PLAGL1: variants seen among roughly 807,000 people sequenced by gnomAD.
PLAGL1 encodes the protein PLAG1 like zinc finger 1.
PLAGL1 carries 1 observed loss-of-function variant against 4.6 expected under a neutral mutation model. That is an observed-to-expected ratio of 0.22 (90% CI 0.08 to 1.03). The LOEUF (loss-of-function observed/expected upper bound fraction) is 1.03. PLAGL1 is among the 50% of genes least tolerant of loss of function. The probability of loss-of-function intolerance (pLI) is 0.58; values close to 1 mark genes in which losing one functional copy is unlikely to be tolerated. For synonymous variants in PLAGL1, 240 were observed against 237.8 expected (o/e 1.01, Z -0.08); for missense variants, 464 against 570.4 (o/e 0.81, Z 1.90).
In PLAGL1 at chr6:144,019,437, A is replaced by C. The variant is rs1286808005; in HGVS notation, c.-151+45031T>G. Among the ~76,000 whole-genome samples the C allele has an allele frequency of 3.9e-5, 6 of 152,118 alleles. 1 individual carries two copies. Among genetic ancestry groups the C allele is most frequent in the Non-Finnish European group, 8.8e-5 (6 of 68,030 alleles). ...CAATGAGCCGATATGGCGCCACTGC[A>C]CTCCAGCCTGGGTGAGAGAGGGAGA... On this transcript the variant is annotated intron_variant, in intron 1 of 3. Coordinates refer to the PLAGL1 transcript ENST00000437412.
intron 2 of PLAGL1, among the ~76,000 whole-genome samples, chr6:143,977,598 G>A (rs1382703572): frequency 2.0e-5 from 3 of 149,266 alleles, no homozygotes; most frequent in Non-Finnish European, 4.4e-5. Context: ...TCAGCCTCCC[G>A]AGTAGCTGGG....
chr6:143,990,148 G>A lies in PLAGL1; in HGVS notation c.-583-4974C>T, dbSNP rs1790128996. On this transcript the variant is annotated intron_variant, in intron 1 of 7. Coordinates refer to ENST00000674357, the MANE Select transcript of PLAGL1 (RefSeq NM_001317162.2). The surrounding 1 kb of genome is among the most constrained non-coding windows in gnomAD (Gnocchi z 5.4). ...TTTTTTTTTTCTTTTTTGAGATGGA[G>A]TCTCGCTCTGTTGCCAGACTGGAGT... 6.6e-6 allele frequency among the ~76,000 whole-genome samples: 1 copy of A among 150,572 alleles called. No homozygotes were observed. The highest frequency in any genetic ancestry group is 1.5e-5 in the Non-Finnish European group (1 of 67,792).
At chr6:144,032,706 C>A (rs4896692) in intron 1 of PLAGL1, among the ~76,000 whole-genome samples, 5,921 of 152,122 alleles carry the variant, frequency 0.039, 176 homozygotes, top group Admixed American at 0.086. Flanking sequence ...GGATTACAGG[C>A]GTATGCCAAC....
rs1269932729 is a variant in PLAGL1 at position 144,008,214 on chromosome 6, G to A, written c.-708C>T. 2.0e-5 allele frequency: 3 copies of A among 152,016 alleles called. No individual in the cohort carries two copies. Among genetic ancestry groups the A allele is most frequent in the Non-Finnish European group, 2.9e-5 (2 of 68,114 alleles). The allele number at this position is 152,016 out of a possible 1,614,324, so 9.4% of individuals were successfully genotyped here. On this transcript the variant is annotated 5_prime_UTR_variant, in exon 1 of 8. Transcript: ENST00000674357. This position sits in a 1 kb window ranked among gnomAD's most constrained non-coding sequence, Gnocchi z 6.9. Reference sequence around the variant, plus strand: ...CCCCGCGCTGCTGAGCTGTGAGCACGGCTGCCCCGTCCGTCCGTCCGTCCA... The same window carrying A: ...CCCCGCGCTGCTGAGCTGTGAGCACAGCTGCCCCGTCCGTCCGTCCGTCCA...
At position 143,984,005 on chromosome 6, in the gene PLAGL1, G is replaced by A. The variant is rs1481186790; in HGVS notation, c.-544+1130C>T. 2.0e-5 allele frequency among the ~76,000 whole-genome samples: 3 copies of A among 152,000 alleles called. No homozygotes were observed. The highest frequency in any genetic ancestry group is 2.0e-4 in the Admixed American group (3 of 15,242). Reference sequence around the variant, plus strand: ...AGGACACATTAGTCTTACAGGGAAGGACAGCTCCTGAATCTTCAAGGAATA... The same window carrying A: ...AGGACACATTAGTCTTACAGGGAAGAACAGCTCCTGAATCTTCAAGGAATA... On this transcript the variant is annotated intron_variant, in intron 2 of 7. Coordinates refer to ENST00000674357, the MANE Select transcript of PLAGL1 (RefSeq NM_001317162.2). This position sits in a 1 kb window ranked among gnomAD's most constrained non-coding sequence, Gnocchi z 5.5.
chr6:143,974,123 A>C (rs1785975541), intron 2 of PLAGL1, among the ~76,000 whole-genome samples: 1 of 152,150 alleles, frequency 6.6e-6, no homozygotes, highest in Non-Finnish European at 1.5e-5. Flanking sequence ...AACAAATATA[A>C]CTAAGAGGTT....
Position 143,941,113 on chromosome 6 carries a change from A to G in PLAGL1, c.*311T>C, listed in dbSNP as rs1778481390. 4.8e-6 allele frequency: 1 copy of G among 209,702 alleles called. No individual in the cohort carries two copies. Among genetic ancestry groups the G allele is most frequent in the Non-Finnish European group, 9.4e-6 (1 of 106,078 alleles). The allele number at this position is 209,702 out of a possible 1,614,324, so 13.0% of individuals were successfully genotyped here. On this transcript the variant is annotated 3_prime_UTR_variant, in exon 8 of 8. Transcript: ENST00000674357. The surrounding 1 kb of genome is among the most constrained non-coding windows in gnomAD (Gnocchi z 6.0). ...AAGTTATTTAGTTAACATTATGATC[A>G]TGGCTTACGATTAAATTCCATATGA...
chr6:143,991,409 C>T (rs140323440), intron 1 of PLAGL1, among the ~76,000 whole-genome samples: 5 of 152,160 alleles, frequency 3.3e-5, no homozygotes, highest in African/African-American at 9.6e-5. Context: ...ACTGGGGGGC[C>T]GTGATACTGA....
Position 143,948,792 on chromosome 6 carries a change from A to AAC in PLAGL1, c.-324-333_-324-332insGT, listed in dbSNP as rs1554251568. On this transcript the variant is annotated intron_variant, in intron 6 of 7. Coordinates refer to ENST00000674357, the MANE Select transcript of PLAGL1 (RefSeq NM_001317162.2). This position sits in a 1 kb window ranked among gnomAD's most constrained non-coding sequence, Gnocchi z 6.0. Reference sequence around the variant, plus strand: ...CAACAACAACAACAACAACAACAACAAACAAAAACCTCCCTCCCTCAGTGT... The same window carrying AAC: ...CAACAACAACAACAACAACAACAACAACAACAAAAACCTCCCTCCCTCAGTGT... 0.36 allele frequency among the ~76,000 whole-genome samples: 50,819 copies of AAC among 140,478 alleles called. 8,717 individuals carry two copies. Among genetic ancestry groups the AAC allele is most frequent in the African/African-American group, 0.45 (15,350 of 33,960 alleles). The allele number at this position is 140,478 out of a possible 152,430, so 92.2% of individuals were successfully genotyped here.
In PLAGL1 at chr6:144,005,328, C is replaced by T. The variant is rs1793940801; in HGVS notation, c.-584+2762G>A. 3 of 152,020 alleles carry T rather than the reference C, an allele frequency of 2.0e-5. No individual in the cohort carries two copies. Among genetic ancestry groups the T allele is most frequent in the African/African-American group, 7.2e-5 (3 of 41,400 alleles). 9.4% of individuals were successfully genotyped at this position (152,020 alleles called of 1,614,324 possible). A position where few individuals can be genotyped will look rare whatever the true frequency, so the allele number is the denominator to read the frequency against. Reference sequence around the variant, plus strand: ...ACTGAACAATATACTACATAGAAAGCAGCAGTAAATGAAAATCTGCAGTAT... The same window carrying T: ...ACTGAACAATATACTACATAGAAAGTAGCAGTAAATGAAAATCTGCAGTAT... On this transcript the variant is annotated intron_variant, in intron 1 of 7. Transcript: ENST00000674357. The surrounding 1 kb of genome is among the most constrained non-coding windows in gnomAD (Gnocchi z 4.6).
intron 6 of PLAGL1, among the ~76,000 whole-genome samples, chr6:143,956,476 G>A (rs749946206): frequency 4.6e-5 from 7 of 152,176 alleles, no homozygotes; most frequent in Non-Finnish European, 7.3e-5. Flanking sequence ...TTAAGTCTGA[G>A]TTCAAAAACT....
chr6:144,046,580 C>T (rs191209430), intron 1 of PLAGL1, among the ~76,000 whole-genome samples: 54 of 152,270 alleles, frequency 3.5e-4, no homozygotes, highest in African/African-American at 1.2e-3. Flanking sequence ...AGAGGGGCAC[C>T]TGGCTAAATG....
chr6:144,061,543 T>C lies in PLAGL1; in HGVS notation c.-151+2925A>G, dbSNP rs1427515750. Among the ~76,000 whole-genome samples, 2 of 152,234 alleles carry C rather than the reference T, an allele frequency of 1.3e-5. No homozygotes were observed. The highest frequency in any genetic ancestry group is 4.8e-5 in the African/African-American group (2 of 41,464). On this transcript the variant is annotated intron_variant, in intron 1 of 3. Transcript: ENST00000437412. This position sits in a 1 kb window ranked among gnomAD's most constrained non-coding sequence, Gnocchi z 4.4. ...GAGCAGACACAGCTAATTGAGGACC[T>C]TGTTCAAGGTCACCAGCCAGTAAGT...
In PLAGL1 at chr6:143,950,386, CA is replaced by C. The variant is rs1780792757; in HGVS notation, c.-324-1927del. Among the ~76,000 whole-genome samples the C allele has an allele frequency of 1.3e-5, 2 of 152,178 alleles. No individual in the cohort carries two copies. The highest frequency in any genetic ancestry group is 4.8e-5 in the African/African-American group (2 of 41,442). Reference sequence around the variant, plus strand: ...GAGGAATCCTCAACAGCCCTGGTCACAAACAAAATAACTCCTTCTAGGAATT... The same window carrying C: ...GAGGAATCCTCAACAGCCCTGGTCACAACAAAATAACTCCTTCTAGGAATT... On this transcript the variant is annotated intron_variant, in intron 6 of 7. Coordinates refer to ENST00000674357, the MANE Select transcript of PLAGL1 (RefSeq NM_001317162.2). The surrounding 1 kb of genome is among the most constrained non-coding windows in gnomAD (Gnocchi z 6.3).
chr6:144,011,975 C>T (rs1007353840), upstream of PLAGL1, among the ~76,000 whole-genome samples: 2 of 152,126 alleles, frequency 1.3e-5, no homozygotes, highest in African/African-American at 4.8e-5. The surrounding 1 kb of genome is among the most constrained non-coding windows in gnomAD (Gnocchi z 4.3). Context: ...CATTGGGGGA[C>T]GTTTGTGAGA....
chr6:144,009,851 T>C (rs1387342426), upstream of PLAGL1, among the ~76,000 whole-genome samples: 1 of 152,214 alleles, frequency 6.6e-6, no homozygotes, highest in East Asian at 1.9e-4. Context: ...CATGAACTCA[T>C]CCTTTTTTAT....
rs1365801317 is a variant in PLAGL1, at chr6:144,063,516, G to A, written c.-151+952C>T. Among the ~76,000 whole-genome samples the A allele has an allele frequency of 6.6e-6, 1 of 152,182 alleles. No homozygotes were observed. The highest frequency in any genetic ancestry group is 2.4e-5 in the African/African-American group (1 of 41,446). On this transcript the variant is annotated intron_variant, in intron 1 of 3. Coordinates refer to the PLAGL1 transcript ENST00000437412. This position sits in a 1 kb window ranked among gnomAD's most constrained non-coding sequence, Gnocchi z 5.7. ...TCTGGGAGGCGCCTCGGGTTAGGCA[G>A]CGACGCACAAAACATAAACCCTGTC...
At position 143,940,676 on chromosome 6, in the gene PLAGL1, A is replaced by G. The variant is rs1314502865; in HGVS notation, c.*748T>C. 6.6e-6 allele frequency: 1 copy of G among 152,142 alleles called. No individual in the cohort carries two copies. The highest frequency in any genetic ancestry group is 1.9e-4 in the East Asian group (1 of 5,200). 9.4% of individuals were successfully genotyped at this position (152,142 alleles called of 1,614,324 possible). Reference sequence around the variant, plus strand: ...TATAATCAATATTAAAGTCAGCAAAATGCCTTTGACTGACGCCTGGATTAT... The same window carrying G: ...TATAATCAATATTAAAGTCAGCAAAGTGCCTTTGACTGACGCCTGGATTAT... On this transcript the variant is annotated 3_prime_UTR_variant, in exon 8 of 8. Coordinates refer to ENST00000674357, the MANE Select transcript of PLAGL1 (RefSeq NM_001317162.2).
intron 1 of PLAGL1, among the ~76,000 whole-genome samples, chr6:144,038,678 C>T (rs188256909): frequency 2.5e-4 from 38 of 152,230 alleles, no homozygotes; most frequent in Admixed American, 5.2e-4. Flanking sequence ...ATACATGCTA[C>T]AACATGGGTG....
Sources: allele counts gnomAD v4.1 joint callset (sites outside exome capture counted in the v4.1 genomes callset), GRCh38; gene constraint gnomAD v4.1.1; non-coding constraint Gnocchi (gnomAD v3.1); transcripts MANE v1.5; gene names NCBI Gene and HGNC (gene_info 2026-07-23, HGNC 2026-07-21).